AGPAT5: variants seen among roughly 807,000 people sequenced by gnomAD.
AGPAT5 encodes the protein 1-acyl-sn-glycerol-3-phosphate acyltransferase epsilon.
In AGPAT5, 46 loss-of-function variants were observed where a neutral mutation model predicts 45.6. The ratio of observed to expected loss-of-function variants is 1.01; its 90% CI spans 0.80 to 1.29. The LOEUF (loss-of-function observed/expected upper bound fraction) is 1.29. Among genes scored for constraint, AGPAT5 ranks in the 50% most tolerant of loss-of-function variants. The pLI, the probability that AGPAT5 is intolerant of heterozygous loss-of-function variation, is 0.00. For synonymous variants in AGPAT5, 272 were observed against 167.0 expected, an observed-to-expected ratio of 1.63 and a Z score of -4.85; for missense variants, 673 against 450.7, an observed-to-expected ratio of 1.49 and a Z score of -4.47.
rs745967697 is a variant in AGPAT5 at position 6,708,806 on chromosome 8, C to T, written c.138C>T (p.Phe46=). 3 of 1,611,204 alleles carry T rather than the reference C, an allele frequency of 1.9e-6. No homozygotes were observed. The highest frequency in any genetic ancestry group is 2.5e-6 in the Non-Finnish European group (3 of 1,179,776). ...RLLSAFLPAR[F]YQALDDRLYC... is the part of the protein sequence containing the mutation. ...TCTCCGCCTTCCTGCCCGCCCGCTT[C>T]TACCAAGCGCTGGACGACCGGCTCT... The change falls in exon 1 of 8, where the codon TTC becomes TTT. Residue 46 remains phenylalanine (F), a synonymous_variant. Transcript: ENST00000285518.
intron 5 of AGPAT5, chr8:6,746,109 C>G (rs1184872372): frequency 6.6e-6 from 1 of 152,216 alleles, no homozygotes; most frequent in South Asian, 2.1e-4. Flanking sequence ...TTCTCTCCCC[C>G]ACTCCCCAAC....
chr8:6,748,614 C>T (rs981180042), intron 6 of AGPAT5, among the ~76,000 whole-genome samples: 10 of 152,322 alleles, frequency 6.6e-5, no homozygotes, highest in African/African-American at 2.2e-4. Context: ...ACACGATTCT[C>T]CTGCCTCAGC....
intron 1 of AGPAT5, among the ~76,000 whole-genome samples, chr8:6,722,485 CAAAG>C (rs1395347277): frequency 1.3e-5 from 2 of 152,078 alleles, no homozygotes; most frequent in Non-Finnish European, 1.5e-5. Context: ...TATTTTTTAA[CAAAG>C]AATGCTGTAT....
At chr8:6,717,510 T>C (rs1034000804) in intron 1 of AGPAT5, among the ~76,000 whole-genome samples, 1 of 152,204 alleles carries the variant, frequency 6.6e-6, no homozygotes, top group Non-Finnish European at 1.5e-5. Flanking sequence ...TAACACATAA[T>C]TTAGCAGTGC....
rs376583284 is a variant in AGPAT5, at chr8:6,759,639, A to C, written c.*2251A>C. 1 of 152,224 alleles carries C rather than the reference A, an allele frequency of 6.6e-6. No individual in the cohort carries two copies. Among genetic ancestry groups the C allele is most frequent in the African/African-American group, 2.4e-5 (1 of 41,454 alleles). 9.4% of individuals were successfully genotyped at this position (152,224 alleles called of 1,614,324 possible). On this transcript the variant is annotated 3_prime_UTR_variant, in exon 8 of 8. Transcript: ENST00000285518. ...GGTGTGTTTGGATGAAAGTAAAAAA[A>C]AAAATAAAATCTTTCACTGTCTCTA...
intron 4 of AGPAT5, among the ~76,000 whole-genome samples, chr8:6,741,068 C>T (rs1267475031): frequency 6.6e-6 from 1 of 152,044 alleles, no homozygotes; most frequent in African/African-American, 2.4e-5. Flanking sequence ...GCTTGATATT[C>T]TTCTTTATAT....
chr8:6,714,099 C>A (rs1455543554), intron 1 of AGPAT5, among the ~76,000 whole-genome samples: 1 of 152,208 alleles, frequency 6.6e-6, no homozygotes, highest in Non-Finnish European at 1.5e-5. Context: ...TACATTCTTT[C>A]TGCACTTCTG....
rs145317575 is a variant in AGPAT5, at chr8:6,756,565, C to G, written c.870-598C>G. Among the ~76,000 whole-genome samples, 68 of 146,520 alleles carry G rather than the reference C, an allele frequency of 4.6e-4. 1 individual carries two copies. Among genetic ancestry groups the G allele is most frequent in the Non-Finnish European group, 8.0e-4 (54 of 67,520 alleles). On this transcript the variant is annotated intron_variant, in intron 7 of 7. Coordinates refer to ENST00000285518, the MANE Select transcript of AGPAT5 (RefSeq NM_018361.5). ...CCTGGAAGGTTGAGACTGCAGTGAG[C>G]TATCATTGTGCCAACTCCAGCCTGG...
rs192969625 is a variant in AGPAT5 at position 6,722,745 on chromosome 8, A to C, written c.220-2125A>C. Among the ~76,000 whole-genome samples the C allele has an allele frequency of 1.4e-3, 209 of 152,366 alleles. 1 individual carries two copies. Among genetic ancestry groups the C allele is most frequent in the African/African-American group, 4.7e-3 (196 of 41,590 alleles). On this transcript the variant is annotated intron_variant, in intron 1 of 7. Coordinates refer to ENST00000285518, the MANE Select transcript of AGPAT5 (RefSeq NM_018361.5). ...AATAAGTTTTTTTGACGAAAGCAGA[A>C]TAACTAGTTTGTCCTTTGTGATGAA...
At chr8:6,714,566 G>T (rs981653936) in intron 1 of AGPAT5, among the ~76,000 whole-genome samples, 2 of 152,148 alleles carry the variant, frequency 1.3e-5, no homozygotes, top group Admixed American at 1.3e-4. Context: ...AATCACAGAT[G>T]CAATTATACA....
intron 1 of AGPAT5, among the ~76,000 whole-genome samples, chr8:6,719,706 A>T (rs1800441125): frequency 6.6e-6 from 1 of 152,240 alleles, no homozygotes; most frequent in Admixed American, 6.5e-5. Flanking sequence ...TGTTGGAACC[A>T]AATTCATTAT....
In AGPAT5 at chr8:6,760,485, AAAAG is replaced by A. The variant is rs1159644750; in HGVS notation, c.*3099_*3102del. On this transcript the variant is annotated 3_prime_UTR_variant, in exon 8 of 8. Transcript: ENST00000285518. ...CCAGATATGTACCACAAAAAATGTG[AAAAG>A]AGAGAGAAATGTCTACCAAAGCAGT... Among the ~76,000 whole-genome samples the A allele has an allele frequency of 1.3e-5, 2 of 151,992 alleles. No homozygotes were observed. Among genetic ancestry groups the A allele is most frequent in the Non-Finnish European group, 2.9e-5 (2 of 67,920 alleles).
intron 3 of AGPAT5, among the ~76,000 whole-genome samples, chr8:6,732,116 G>C (rs186845750): frequency 6.6e-6 from 1 of 152,172 alleles, no homozygotes; most frequent in East Asian, 1.9e-4. Flanking sequence ...ACTTCTGTCC[G>C]TAACAGTGCC....
intron 6 of AGPAT5, 144 bp from the exon 7 acceptor site, chr8:6,754,907 C>G (rs1365689837): frequency 6.6e-6 from 4 of 603,220 alleles, no homozygotes; most frequent in Non-Finnish European, 1.0e-5. Flanking sequence ...TTTTTTTTAA[C>G]TTTTGTTTAT....
chr8:6,746,996 G>C (rs1038897753), intron 5 of AGPAT5, among the ~76,000 whole-genome samples: 1 of 152,186 alleles, frequency 6.6e-6, no homozygotes, highest in Non-Finnish European at 1.5e-5. Flanking sequence ...AAATATGTCA[G>C]ATATACCCAA....
At chr8:6,743,772 G>GTT (rs201219544) in intron 5 of AGPAT5, among the ~76,000 whole-genome samples, 27 of 148,070 alleles carry the variant, frequency 1.8e-4, no homozygotes, top group African/African-American at 4.5e-4. Context: ...CCCTATGGTG[G>GTT]TTTTTTTTTT....
intron 5 of AGPAT5, among the ~76,000 whole-genome samples, chr8:6,742,464 G>A (rs1003458046): frequency 6.6e-6 from 1 of 152,182 alleles, no homozygotes; most frequent in Non-Finnish European, 1.5e-5. Context: ...GCTTGACTGT[G>A]ATTTAGTGTG....
rs761198785 is a variant in AGPAT5, at chr8:6,708,727, T to TG, written c.60dup (p.Leu21AlafsTer64). 3 of 1,607,162 alleles carry TG rather than the reference T, an allele frequency of 1.9e-6. No individual in the cohort carries two copies. Among genetic ancestry groups the TG allele is most frequent in the Non-Finnish European group, 2.5e-6 (3 of 1,179,648 alleles). On this transcript the variant is annotated frameshift_variant, in exon 1 of 8. Transcript: ENST00000285518. LOFTEE classifies it high-confidence loss of function. ...ATGCGCTACCTGCTGCCCAGCGTCG[T>TG]GCTCCTGGGCACGGCGCCCACCTAC... is the stretch of plus-strand genomic sequence containing the variant.
In AGPAT5 at chr8:6,758,627, A is replaced by G. The variant is rs556506879; in HGVS notation, c.*1239A>G. On this transcript the variant is annotated 3_prime_UTR_variant, in exon 8 of 8. Coordinates refer to ENST00000285518, the MANE Select transcript of AGPAT5 (RefSeq NM_018361.5). ...ATACAGACTTAATTTGTCATGACTGAACGAATTTGTTTATTTCCCATTAGG... is the reference window on the plus strand; with the variant it reads ...ATACAGACTTAATTTGTCATGACTGGACGAATTTGTTTATTTCCCATTAGG... 23 of 152,662 alleles carry G rather than the reference A, an allele frequency of 1.5e-4. No homozygotes were observed. Among genetic ancestry groups the G allele is most frequent in the African/African-American group, 5.5e-4 (23 of 41,580 alleles). 9.5% of individuals were successfully genotyped at this position (152,662 alleles called of 1,614,324 possible). A position where few individuals can be genotyped will look rare whatever the true frequency, so the allele number is the denominator to read the frequency against.
Sources: gnomAD v4.1 joint callset for allele counts (sites outside exome capture counted in the v4.1 genomes callset) on GRCh38, gnomAD v4.1.1 for gene constraint, MANE v1.5 for transcripts, NCBI Gene and HGNC (gene_info 2026-07-23, HGNC 2026-07-21) for gene names.